GBP5: variants seen among roughly 807,000 people sequenced by gnomAD.
The protein encoded by GBP5 is guanylate binding protein 5, also known as guanylate-binding protein 5.
A neutral mutation model predicts 58.2 loss-of-function variants in GBP5; 48 were observed. The ratio of observed to expected loss-of-function variants is 0.83; its 90% CI spans 0.65 to 1.05. The LOEUF (loss-of-function observed/expected upper bound fraction) is 1.05, where lower values mean the gene tolerates loss of function less well. Among genes scored for constraint, GBP5 ranks in the 50% least tolerant of loss-of-function variants. GBP5 has a pLI of 0.00. For synonymous variants in GBP5, 248 were observed against 251.8 expected (o/e 0.98, Z 0.14); for missense variants, 714 against 686.8 (o/e 1.04, Z -0.44).
At position 89,262,319 on chromosome 1, in the gene GBP5, C is replaced by T; in HGVS notation, c.1548G>A (p.Gln516=). ...AIQRQNEQMM[Q]ERERLHQEQV... is the part of the protein sequence containing the mutation. ...GTTCCTGATGGAGTCTCTCCCTCTCCTGCATCATTTGCTCGTTCTGCCTTT... is the reference window on the plus strand; with the variant it reads ...GTTCCTGATGGAGTCTCTCCCTCTCTTGCATCATTTGCTCGTTCTGCCTTT... Residue 516 remains glutamine, a synonymous_variant, in exon 11 of 12, where the codon CAG becomes CAA. Transcript: ENST00000370459. 1 of 1,614,124 alleles carries T rather than the reference C, an allele frequency of 6.2e-7. No individual in the cohort carries two copies. Among genetic ancestry groups the T allele is most frequent in the Admixed American group, 1.7e-5 (1 of 60,024 alleles).
intron 7 of GBP5, among the ~76,000 whole-genome samples, chr1:89,265,211 G>A (rs1351989146): frequency 1.3e-5 from 2 of 152,122 alleles, no homozygotes; most frequent in African/African-American, 4.8e-5. Context: ...AGGTGTTTGT[G>A]ATAGTCTACA....
In GBP5 at chr1:89,264,658, C is replaced by T. The variant is rs1650135715; in HGVS notation, c.1149+28G>A. On this transcript the variant is annotated intron_variant, in intron 8 of 11. Transcript: ENST00000370459. ...AATACTTTGCCTTCTTGACCTTAAT[C>T]CCCATGAACTAGAAACAAAAATATC... 3.1e-6 allele frequency: 5 copies of T among 1,603,598 alleles called. No individual in the cohort carries two copies. The East Asian group carries it at 1.1e-4, about 36-fold the overall frequency.
chr1:89,266,583 CACT>C lies in GBP5; in HGVS notation c.628_630del (p.Ser210del), dbSNP rs1272527246. 6.2e-7 allele frequency: 1 copy of C among 1,611,070 alleles called. No individual in the cohort carries two copies. Among genetic ancestry groups the C allele is most frequent in the African/African-American group, 1.3e-5 (1 of 74,766 alleles). The stretch of plus-strand genomic sequence containing the variant: ...AAATTGAAATTTTGAACTCTTTGAT[CACT>C]ACCTGGAGAATAAAAAATAGGATTT... On this transcript the variant is annotated inframe_deletion and splice_region_variant, in exon 7 of 12. Coordinates refer to ENST00000370459, the MANE Select transcript of GBP5 (RefSeq NM_052942.5).
rs977061823 is a variant in GBP5 at position 89,264,621 on chromosome 1, A to G, written c.1149+65T>C. ...TTTTTTCTTAGCTAAGTCCTATTTT[A>G]TCATTCAAAGCAATACTTTGCCTTC... On this transcript the variant is annotated intron_variant, in intron 8 of 11. Coordinates refer to ENST00000370459, the MANE Select transcript of GBP5 (RefSeq NM_052942.5). 4 of 1,413,136 alleles carry G rather than the reference A, an allele frequency of 2.8e-6. No individual in the cohort carries two copies. In the African/African-American group the frequency reaches 4.3e-5, roughly 15 times the overall value. The allele number at this position is 1,413,136 out of a possible 1,614,324, so 87.5% of individuals were successfully genotyped here.
rs775336799 is a variant in GBP5, at chr1:89,264,840, T to C, written c.995A>G (p.His332Arg). Reference sequence around the variant, plus strand: ...TTTCTGGCCCATTTGCTGGTCATAGTGGGCAATGGCCTTTTGCACTGCAGC... The same window carrying C: ...TTTCTGGCCCATTTGCTGGTCATAGCGGGCAATGGCCTTTTGCACTGCAGC... ...NSAAVQKAIAHYDQQMGQKVQ... is the reference protein window; with the variant it reads ...NSAAVQKAIARYDQQMGQKVQ... The change falls in exon 8 of 12, where the codon CAC becomes CGC. Residue 332 changes from histidine to arginine, a missense_variant. Coordinates refer to ENST00000370459, the MANE Select transcript of GBP5 (RefSeq NM_052942.5). The C allele has an allele frequency of 1.9e-6, 3 of 1,614,218 alleles. No homozygotes were observed. The highest frequency in any genetic ancestry group is 2.5e-6 in the Non-Finnish European group (3 of 1,180,036).
In GBP5 at chr1:89,269,630, A is replaced by C. The variant is rs547010978; in HGVS notation, c.-19-56T>G. On this transcript the variant is annotated intron_variant, in intron 2 of 11. Coordinates refer to ENST00000370459, the MANE Select transcript of GBP5 (RefSeq NM_052942.5). ...TTTCTGGTGTTTGTTTAATAAGCAA[A>C]GGAAGTCATTTTGCTTACTGAACCT... 4.8e-4 allele frequency: 609 copies of C among 1,271,444 alleles called. 2 individuals carry two copies. The African/African-American group carries it at 8.5e-3, about 18-fold the overall frequency. The allele number at this position is 1,271,444 out of a possible 1,614,324, so 78.8% of individuals were successfully genotyped here. A position where few individuals can be genotyped will look rare whatever the true frequency, so the allele number is the denominator to read the frequency against.
At chr1:89,265,854 T>C (rs533935603) in intron 7 of GBP5, among the ~76,000 whole-genome samples, 42 of 152,328 alleles carry the variant, frequency 2.8e-4, no homozygotes, top group African/African-American at 8.2e-4. Flanking sequence ...GTCAACTTCC[T>C]TCTATAATGT....
intron 10 of GBP5, 124 bp from the exon 11 acceptor site, chr1:89,262,525 A>G (rs1650049270): frequency 4.2e-6 from 4 of 958,978 alleles, no homozygotes; most frequent in Non-Finnish European, 6.2e-6. Flanking sequence ...CCTTCCAGGT[A>G]ACCACAATGC....
In GBP5 at chr1:89,260,103, A is replaced by C. The variant is rs890697208; in HGVS notation, c.*601T>G. On this transcript the variant is annotated 3_prime_UTR_variant, in exon 12 of 12. Transcript: ENST00000370459. Reference sequence around the variant, plus strand: ...TCCACAGAGGGTTGGCGGGGGTTGGAGGTGGGGTGGCGTTATTGGTTTCTG... The same window carrying C: ...TCCACAGAGGGTTGGCGGGGGTTGGCGGTGGGGTGGCGTTATTGGTTTCTG... 2.6e-5 allele frequency: 4 copies of C among 152,676 alleles called. No individual in the cohort carries two copies. The highest frequency in any genetic ancestry group is 9.6e-5 in the African/African-American group (4 of 41,516). 9.5% of individuals were successfully genotyped at this position (152,676 alleles called of 1,614,324 possible).
chr1:89,271,203 T>A (rs1242116620), intron 1 of GBP5: 2 of 152,190 alleles, frequency 1.3e-5, no homozygotes, highest in Non-Finnish European at 2.9e-5. Context: ...TTGAGCCCTA[T>A]AACCTTTGCA....
chr1:89,267,445 T>C lies in GBP5; in HGVS notation c.400A>G (p.Ile134Val). 6.2e-7 allele frequency: 1 copy of C among 1,613,546 alleles called. No homozygotes were observed. Among genetic ancestry groups the C allele is most frequent in the South Asian group, 1.1e-5 (1 of 91,076 alleles). ...AGTAGGTCGATAGCACCCTGATCAATTTTGTTCACAGTATTGTACACAAAG... is the reference window on the plus strand; with the variant it reads ...AGTAGGTCGATAGCACCCTGATCAACTTTGTTCACAGTATTGTACACAAAG... ...STFVYNTVNK[I>V]DQGAIDLLHN... Residue 134 changes from isoleucine to valine, a missense_variant, in exon 5 of 12, where the codon ATT (isoleucine) becomes GTT (valine). Coordinates refer to ENST00000370459, the MANE Select transcript of GBP5 (RefSeq NM_052942.5).
chr1:89,263,747 T>A lies in GBP5; in HGVS notation c.1351A>T (p.Lys451Ter), dbSNP rs757955006. 4.1e-5 allele frequency: 66 copies of A among 1,612,352 alleles called. No homozygotes were observed. Among genetic ancestry groups the A allele is most frequent in the Non-Finnish European group, 5.1e-5 (60 of 1,178,704 alleles). ...AGAACTAGGGATACCTGTATTCCTT[T>A]CCGAGGCTCCCGATAGTACTTTGCC... ...LKAKYYREPR[K>*]GIQAEEVLQK... Residue 451 changes from lysine to a stop codon, truncating the protein, a stop_gained, in exon 9 of 12, where the codon AAA becomes TAA. Coordinates refer to ENST00000370459, the MANE Select transcript of GBP5 (RefSeq NM_052942.5). LOFTEE classifies it high-confidence loss of function.
chr1:89,265,040 C>T (rs9628688), intron 7 of GBP5, 74 bp from the exon 8 acceptor site: 748,102 of 1,382,674 alleles, frequency 0.54, 207,782 homozygotes, highest in Non-Finnish European at 0.57. Context: ...TTTCTGAGAA[C>T]GTACATTTAA....
Position 89,258,727 on chromosome 1 carries a change from G to A in GBP5, c.*1977C>T, listed in dbSNP as rs1649880273. Among the ~76,000 whole-genome samples the A allele has an allele frequency of 6.6e-6, 1 of 152,006 alleles. No individual in the cohort carries two copies. The highest frequency in any genetic ancestry group is 2.1e-4 in the South Asian group (1 of 4,820). On this transcript the variant is annotated 3_prime_UTR_variant, in exon 12 of 12. Transcript: ENST00000370459. ...AGTGGAAAATTCCTTATATGAGTAA[G>A]TACTTATAAGGGAGAAAAACAGAGC...
In GBP5 at chr1:89,269,420, G is replaced by A. The variant is rs1263454696; in HGVS notation, c.136C>T (p.Leu46Phe). ...QPVVVVAIVG[L>F]YRTGKSYLMN... ...AGGTAGGATTTGCCAGTGCGATAGA[G>A]GCCCACAATCGCTACCACAACTACA... Residue 46 changes from leucine to phenylalanine, a missense_variant, in exon 3 of 12, where the codon CTC becomes TTC. Leu to Phe is a conservative substitution (Grantham distance 22, BLOSUM62 0). Transcript: ENST00000370459. 3 of 1,613,964 alleles carry A rather than the reference G, an allele frequency of 1.9e-6. No homozygotes were observed. Among genetic ancestry groups the A allele is most frequent in the Non-Finnish European group, 2.5e-6 (3 of 1,180,002 alleles).
At chr1:89,263,651 T>C (rs1258385756) in intron 9 of GBP5, 85 bp downstream of exon 9, 1 of 855,864 alleles carries the variant, frequency 1.2e-6, no homozygotes, top group African/African-American at 1.7e-5. Context: ...TCTGTGTGCC[T>C]GTATACATGG....
Position 89,256,809 on chromosome 1 carries a change from C to A in GBP5, c.*3895G>T, listed in dbSNP as rs927233098. ...GTGTGAGGTCTGGTTACAACTTGAT[C>A]TTTTCCTATATGGCCATCCAGTAGT... On this transcript the variant is annotated 3_prime_UTR_variant, in exon 12 of 12. Transcript: ENST00000370459. Among the ~76,000 whole-genome samples the A allele has an allele frequency of 6.6e-6, 1 of 152,130 alleles. No homozygotes were observed. The highest frequency in any genetic ancestry group is 2.4e-5 in the African/African-American group (1 of 41,432).
In GBP5 at chr1:89,266,972, G is replaced by C; in HGVS notation, c.610C>G (p.Leu204Val). 1 of 1,603,370 alleles carries C rather than the reference G, an allele frequency of 6.2e-7. No homozygotes were observed. ...TCCCTGTTACCTTGCTTTGGCCTTAGGGAATTCTCCAGGTATTCATCTGGT... is the reference window on the plus strand; with the variant it reads ...TCCCTGTTACCTTGCTTTGGCCTTACGGAATTCTCCAGGTATTCATCTGGT... ...VTPDEYLENSLRPKQGSDQRV... is the reference protein window; with the variant it reads ...VTPDEYLENSVRPKQGSDQRV... The change falls in exon 6 of 12, where the codon CTA becomes GTA. Residue 204 changes from leucine to valine, a missense_variant. By Grantham distance (32) the Leu-to-Val change is conservative. Transcript: ENST00000370459.
In GBP5 at chr1:89,267,517, T is replaced by C. The variant is rs531053164; in HGVS notation, c.328A>G (p.Lys110Glu). 9.3e-6 allele frequency: 15 copies of C among 1,612,658 alleles called. No homozygotes were observed. The highest frequency in any genetic ancestry group is 1.7e-4 in the Middle Eastern group (1 of 6,058). ...GLGDVEKADN[K>E]NDIQIFALAL... Reference sequence around the variant, plus strand: ...AGTGCAAAGATCTGGATATCATTCTTGTTGTCAGCCTAGAAGTCAGACCAA... The same window carrying C: ...AGTGCAAAGATCTGGATATCATTCTCGTTGTCAGCCTAGAAGTCAGACCAA... Residue 110 changes from lysine (K) to glutamate (E), a missense_variant, in exon 5 of 12, where the codon AAG becomes GAG. Lys to Glu is a moderately conservative substitution (Grantham distance 56, BLOSUM62 1). Transcript: ENST00000370459.
Sources: allele counts gnomAD v4.1 joint callset (sites outside exome capture counted in the v4.1 genomes callset), GRCh38; gene constraint gnomAD v4.1.1; transcripts MANE v1.5; gene names NCBI Gene and HGNC (gene_info 2026-07-23, HGNC 2026-07-21).